The following EPHA7 variants were observed in gnomAD, a reference collection of about 807,000 sequenced individuals.
EPHA7 encodes the protein ephrin type-A receptor 7.
EPHA7 carries 25 observed loss-of-function variants against 112.6 expected under a neutral mutation model. The ratio of observed to expected loss-of-function variants is 0.22; its 90% CI spans 0.16 to 0.31. The LOEUF (loss-of-function observed/expected upper bound fraction) is 0.31. Ranked by LOEUF, EPHA7 falls within the 10% of genes least tolerant of loss-of-function variation. The probability of loss-of-function intolerance (pLI) is 1.00; values close to 1 mark genes in which losing one functional copy is unlikely to be tolerated. For synonymous variants in EPHA7, 437 were observed against 406.5 expected (o/e 1.07, Z -0.90); for missense variants, 962 against 1,212.6 (o/e 0.79, Z 3.07).
In EPHA7 at chr6:93,419,499, T is replaced by C. The variant is rs188436234; in HGVS notation, c.-158A>G. On this transcript the variant is annotated 5_prime_UTR_variant, in exon 1 of 17. Transcript: ENST00000369303. ...GCTCCACGTTTAGCTTTTTTTAATT[T>C]CCCCCCCACTCCTGTTCGCTCGCAC... 9.4e-4 allele frequency: 552 copies of C among 585,240 alleles called. 3 individuals are homozygous for C. The highest frequency in any genetic ancestry group is 9.3e-3 in the African/African-American group (487 of 52,106). The allele number at this position is 585,240 out of a possible 1,614,324, so 36.3% of individuals were successfully genotyped here.
At chr6:93,315,125 G>A (rs761394368) in intron 5 of EPHA7, among the ~76,000 whole-genome samples, 2 of 150,178 alleles carry the variant, frequency 1.3e-5, no homozygotes, top group South Asian at 2.1e-4. Context: ...GCCTCCCAAA[G>A]TGCTGGGATT....
chr6:93,250,235 A>C (rs962963589), intron 14 of EPHA7, among the ~76,000 whole-genome samples: 5 of 152,148 alleles, frequency 3.3e-5, no homozygotes, highest in African/African-American at 1.2e-4. Context: ...CACCCTTTGA[A>C]ACAAAACCAG....
chr6:93,416,363 A>T (rs1779225999), intron 1 of EPHA7, among the ~76,000 whole-genome samples: 1 of 152,124 alleles, frequency 6.6e-6, no homozygotes, highest in African/African-American at 2.4e-5. Flanking sequence ...GAATATAGAC[A>T]ACAGGATTTT....
At chr6:93,285,228 G>A (rs1186863979) in intron 5 of EPHA7, among the ~76,000 whole-genome samples, 2 of 152,120 alleles carry the variant, frequency 1.3e-5, no homozygotes, top group Non-Finnish European at 1.5e-5. Flanking sequence ...TAAAGTTGTT[G>A]TTTTACAAAG....
chr6:93,401,285 A>G (rs1289752397), intron 3 of EPHA7, among the ~76,000 whole-genome samples: 1 of 152,138 alleles, frequency 6.6e-6, no homozygotes, highest in African/African-American at 2.4e-5. Context: ...ATTACATCCC[A>G]GAGTGCATTT....
At chr6:93,290,489 C>A (rs1226272070) in intron 5 of EPHA7, among the ~76,000 whole-genome samples, 1 of 152,138 alleles carries the variant, frequency 6.6e-6, no homozygotes. Flanking sequence ...TTCTTCAACT[C>A]TTAGCAATTT....
At chr6:93,278,970 AG>A (rs1350627139) in intron 5 of EPHA7, among the ~76,000 whole-genome samples, 5 of 152,240 alleles carry the variant, frequency 3.3e-5, no homozygotes, top group African/African-American at 1.2e-4. Flanking sequence ...TGAGAATATA[AG>A]GATCAAAAGA....
chr6:93,350,165 A>G (rs1775619825), intron 5 of EPHA7, among the ~76,000 whole-genome samples: 1 of 151,990 alleles, frequency 6.6e-6, no homozygotes, highest in Non-Finnish European at 1.5e-5. Context: ...TAAAACAGTA[A>G]TGAGAAGGCA....
chr6:93,408,426 C>T (rs1286443346), intron 3 of EPHA7, among the ~76,000 whole-genome samples: 1 of 152,050 alleles, frequency 6.6e-6, no homozygotes, highest in Non-Finnish European at 1.5e-5. Flanking sequence ...AGTGGAATAG[C>T]ATTTTGCCTA....
In EPHA7 at chr6:93,370,851, A is replaced by T. The variant is rs901522551; in HGVS notation, c.833-12440T>A. Among the ~76,000 whole-genome samples, 5 of 152,126 alleles carry T rather than the reference A, an allele frequency of 3.3e-5. No homozygotes were observed. In the South Asian group the frequency reaches 1.0e-3, roughly 31 times the overall value. ...ACCTTAATATTCAGAGTGAACTCAG[A>T]AAAAGCACAGTCGGCAAGGCGCGGT... On this transcript the variant is annotated intron_variant, in intron 3 of 16. Transcript: ENST00000369303.
At chr6:93,334,467 G>T (rs555121276) in intron 5 of EPHA7, among the ~76,000 whole-genome samples, 2 of 152,074 alleles carry the variant, frequency 1.3e-5, no homozygotes, top group South Asian at 4.1e-4. Context: ...TACAGAATGG[G>T]AGTAAATATT....
intron 3 of EPHA7, among the ~76,000 whole-genome samples, chr6:93,361,792 T>C (rs1776274182): frequency 6.6e-6 from 1 of 152,110 alleles, no homozygotes; most frequent in Non-Finnish European, 1.5e-5. Flanking sequence ...TATTTCTCAA[T>C]CTGTTCAATA....
intron 3 of EPHA7, among the ~76,000 whole-genome samples, chr6:93,367,756 G>T (rs1033926427): frequency 2.0e-5 from 3 of 152,088 alleles, no homozygotes; most frequent in Non-Finnish European, 4.4e-5. Flanking sequence ...TATCTTATAA[G>T]ATTGTTATGA....
rs1769901255 is a variant in EPHA7, at chr6:93,245,411, A to G, written c.2769T>C (p.Thr923=). ...GCCATTCTCCAACTGAACAAAAGGT[A>G]GTGAAATCAGGAGTGTTTTGATCCA... ...PLLDQNTPDF[T]TFCSVGEWLQ... The change falls in exon 16 of 17, where the codon ACT becomes ACC. Residue 923 remains threonine, a synonymous_variant. Coordinates refer to ENST00000369303, the MANE Select transcript of EPHA7 (RefSeq NM_004440.4). 6.2e-7 allele frequency: 1 copy of G among 1,613,812 alleles called. No homozygotes were observed. The highest frequency in any genetic ancestry group is 8.5e-7 in the Non-Finnish European group (1 of 1,179,878).
chr6:93,307,752 T>A (rs935660087), intron 5 of EPHA7, among the ~76,000 whole-genome samples: 4 of 152,162 alleles, frequency 2.6e-5, no homozygotes, highest in Non-Finnish European at 5.9e-5. Flanking sequence ...TATGTTTTAA[T>A]TCCCTAATGA....
chr6:93,394,035 T>G, intron 3 of EPHA7, among the ~76,000 whole-genome samples: 1 of 151,818 alleles, frequency 6.6e-6, no homozygotes, highest in Non-Finnish European at 1.5e-5. Context: ...TGAGTGTATG[T>G]GTTTGCATGT....
At position 93,269,465 on chromosome 6, in the gene EPHA7, A is replaced by G. The variant is rs1402346800; in HGVS notation, c.1633+12T>C. 1 of 1,608,732 alleles carries G rather than the reference A, an allele frequency of 6.2e-7. No homozygotes were observed. ...TATTGAGAGTAGGAATCCAAACCAA[A>G]GGCATAATTACCTTCAAACATTTTA... is the stretch of plus-strand genomic sequence containing the variant. On this transcript the variant is annotated intron_variant, in intron 7 of 16. Coordinates refer to ENST00000369303, the MANE Select transcript of EPHA7 (RefSeq NM_004440.4).
intron 3 of EPHA7, among the ~76,000 whole-genome samples, chr6:93,388,287 C>G (rs1777729820): frequency 6.6e-6 from 1 of 152,098 alleles, no homozygotes; most frequent in South Asian, 2.1e-4. Flanking sequence ...ATCCCCTATT[C>G]TTGGACATTT....
intron 5 of EPHA7, among the ~76,000 whole-genome samples, chr6:93,309,139 G>A (rs190927058): frequency 6.6e-6 from 1 of 152,162 alleles, no homozygotes; most frequent in African/African-American, 2.4e-5. Context: ...AGTAGAGACA[G>A]GGTTTCACCA....
Sources: allele counts gnomAD v4.1 joint callset (sites outside exome capture counted in the v4.1 genomes callset), GRCh38; gene constraint gnomAD v4.1.1; transcripts MANE v1.5; gene names NCBI Gene and HGNC (gene_info 2026-07-23, HGNC 2026-07-21).